The following PHLPP1 variants were observed in gnomAD, a reference collection of about 807,000 sequenced individuals.
The protein encoded by PHLPP1 is PH domain and leucine rich repeat protein phosphatase 1.
Under a neutral mutation model 117.2 loss-of-function variants are expected in PHLPP1, and 42 were observed. The ratio of observed to expected loss-of-function variants is 0.36; its 90% CI spans 0.28 to 0.46. The LOEUF is 0.46. Among genes scored for constraint, PHLPP1 ranks in the 20% least tolerant of loss-of-function variants. The probability of loss-of-function intolerance (pLI) is 1.00; values close to 1 mark genes in which losing one functional copy is unlikely to be tolerated. For missense variants in PHLPP1, 2,084 were observed against 2,241.9 expected, an observed-to-expected ratio of 0.93 and a Z score of 1.42; for synonymous variants, 1,042 against 970.7, an observed-to-expected ratio of 1.07 and a Z score of -1.37.
intron 1 of PHLPP1, chr18:62,779,571 A>T (rs756809652): frequency 2.8e-4 from 43 of 152,224 alleles, no homozygotes; most frequent in Non-Finnish European, 1.2e-4. Context: ...CTAAATAGGT[A>T]CTAATTGATA....
At chr18:62,930,464 TA>T (rs34518939) in intron 10 of PHLPP1, among the ~76,000 whole-genome samples, 1 of 151,296 alleles carries the variant, frequency 6.6e-6, no homozygotes, top group Non-Finnish European at 1.5e-5. Flanking sequence ...CCAACAACAG[TA>T]AAAAAAAATT....
intron 12 of PHLPP1, among the ~76,000 whole-genome samples, chr18:62,958,240 G>C (rs1429940385): frequency 1.3e-5 from 2 of 152,072 alleles, no homozygotes; most frequent in Admixed American, 6.6e-5. Flanking sequence ...TTTTTGTTTT[G>C]TTTTAAGAAA....
intron 9 of PHLPP1, 48 bp from the exon 10 acceptor site, chr18:62,919,911 A>C: frequency 7.3e-7 from 1 of 1,374,682 alleles, no homozygotes; most frequent in Admixed American, 2.2e-5. Context: ...AATTTTAAGT[A>C]TTCTTTACTC....
Position 62,978,188 on chromosome 18 carries a change from A to G in PHLPP1, c.3985-74A>G. The stretch of plus-strand genomic sequence containing the variant: ...GTCCTACAGTCGAGACAGTCGAGGG[A>G]CCCGCAGGGAACCTGCACAGTTGCC... On this transcript the variant is annotated intron_variant, in intron 16 of 16. Coordinates refer to ENST00000262719, the MANE Select transcript of PHLPP1 (RefSeq NM_194449.4). The surrounding 1 kb of genome is among the most constrained non-coding windows in gnomAD (Gnocchi z 7.0). 1 of 810,150 alleles carries G rather than the reference A, an allele frequency of 1.2e-6. No individual in the cohort carries two copies. Among genetic ancestry groups the G allele is most frequent in the Non-Finnish European group, 2.0e-6 (1 of 498,960 alleles). 50.2% of individuals were successfully genotyped at this position (810,150 alleles called of 1,614,324 possible).
intron 15 of PHLPP1, 85 bp from the exon 16 acceptor site, chr18:62,975,312 C>T: frequency 1.2e-6 from 1 of 859,934 alleles, no homozygotes; most frequent in Non-Finnish European, 2.0e-6. Flanking sequence ...CTGGCCCTGT[C>T]CAGTGGTGCG....
At chr18:62,812,716 CTT>C (rs67924353) in intron 1 of PHLPP1, among the ~76,000 whole-genome samples, 1 of 146,234 alleles carries the variant, frequency 6.8e-6, no homozygotes. Context: ...TGCCTGTGAC[CTT>C]TTTTTTTTTT....
intron 1 of PHLPP1, among the ~76,000 whole-genome samples, chr18:62,733,926 C>T (rs1308342183): frequency 1.3e-5 from 2 of 152,184 alleles, no homozygotes; most frequent in African/African-American, 4.8e-5. Flanking sequence ...CAAATACTTC[C>T]AGGCATCTGG....
chr18:62,738,623 C>G (rs149578427), intron 1 of PHLPP1, among the ~76,000 whole-genome samples: 1 of 152,212 alleles, frequency 6.6e-6, no homozygotes, highest in Non-Finnish European at 1.5e-5. Context: ...AGGGATGACT[C>G]TACTATGTTT....
intron 2 of PHLPP1, chr18:62,837,955 C>G (rs1415098223): frequency 6.6e-6 from 1 of 152,094 alleles, no homozygotes; most frequent in Non-Finnish European, 1.5e-5. Context: ...GCGTGAGCCA[C>G]CACGCCCAGG....
chr18:62,966,670 T>C (rs1029568006), intron 14 of PHLPP1, among the ~76,000 whole-genome samples: 3 of 151,904 alleles, frequency 2.0e-5, no homozygotes, highest in African/African-American at 4.8e-5. Context: ...GGGGTTTCAC[T>C]GTGTTAGCCA....
intron 3 of PHLPP1, among the ~76,000 whole-genome samples, chr18:62,843,846 T>G (rs779311270): frequency 2.6e-5 from 4 of 152,142 alleles, no homozygotes; most frequent in Non-Finnish European, 5.9e-5. Context: ...GCAGAAGAGC[T>G]CCTATCAGAT....
intron 1 of PHLPP1, among the ~76,000 whole-genome samples, chr18:62,808,547 G>GTTTTTTTTTGTTTTT (rs754879032): frequency 0.025 from 3,561 of 142,004 alleles, 42 homozygotes; most frequent in Non-Finnish European, 0.041. Flanking sequence ...TCATCTCTCT[G>GTTTTTTTTTGTTTTT]TTTTTTTTTG....
intron 1 of PHLPP1, among the ~76,000 whole-genome samples, chr18:62,759,189 G>A (rs543853604): frequency 6.6e-5 from 10 of 152,296 alleles, no homozygotes; most frequent in African/African-American, 2.4e-4. Context: ...GGTATGGAGT[G>A]TATCAGATGG....
chr18:62,819,857 CA>C (rs1407102926), intron 1 of PHLPP1, among the ~76,000 whole-genome samples: 1 of 152,112 alleles, frequency 6.6e-6, no homozygotes, highest in Non-Finnish European at 1.5e-5. Context: ...TGTTGGCCGC[CA>C]GGCTTTTTTC....
At chr18:62,749,901 A>C (rs1260240371) in intron 1 of PHLPP1, among the ~76,000 whole-genome samples, 1 of 152,222 alleles carries the variant, frequency 6.6e-6, no homozygotes, top group Admixed American at 6.5e-5. Context: ...CTGTAGTTCT[A>C]GCTACTCAGG....
intron 1 of PHLPP1, among the ~76,000 whole-genome samples, chr18:62,808,941 T>A (rs1914035882): frequency 6.6e-6 from 1 of 152,190 alleles, no homozygotes; most frequent in Admixed American, 6.5e-5. Flanking sequence ...GCCTGGTTAT[T>A]ATTTTACTAG....
At chr18:62,793,683 G>T (rs2144292521) in intron 1 of PHLPP1, among the ~76,000 whole-genome samples, 1 of 152,286 alleles carries the variant, frequency 6.6e-6, no homozygotes, top group South Asian at 2.1e-4. Context: ...TTTCTACGGA[G>T]GAATAAACTG....
intron 14 of PHLPP1, among the ~76,000 whole-genome samples, chr18:62,971,430 G>C (rs185101458): frequency 6.8e-6 from 1 of 148,020 alleles, no homozygotes; most frequent in East Asian, 2.0e-4. Context: ...GGACACAGTT[G>C]CTTGGAAACA....
At chr18:62,972,200 G>A (rs1211829759) in intron 14 of PHLPP1, among the ~76,000 whole-genome samples, 1 of 152,186 alleles carries the variant, frequency 6.6e-6, no homozygotes, top group Non-Finnish European at 1.5e-5. Flanking sequence ...GAATGTATGT[G>A]TAGATATGGA....
Sources: allele counts gnomAD v4.1 joint callset (sites outside exome capture counted in the v4.1 genomes callset), GRCh38; gene constraint gnomAD v4.1.1; non-coding constraint Gnocchi (gnomAD v3.1); transcripts MANE v1.5; gene names NCBI Gene and HGNC (gene_info 2026-07-23, HGNC 2026-07-21).